The following ZNF18 variants were observed in gnomAD, a reference collection of about 807,000 sequenced individuals.
ZNF18 encodes the protein zinc finger protein 18, also known as heart development-specific gene 1 protein.
Under a neutral mutation model 58.1 loss-of-function variants are expected in ZNF18, and 42 were observed. That is an observed-to-expected ratio of 0.72 (90% confidence interval 0.56 to 0.93). The LOEUF (loss-of-function observed/expected upper bound fraction) is 0.93. Among genes scored for constraint, ZNF18 ranks in the 40% least tolerant of loss-of-function variants. ZNF18 has a pLI of 0.00. For synonymous variants in ZNF18, 231 were observed against 239.8 expected, an observed-to-expected ratio of 0.96 and a Z score of 0.34; for missense variants, 540 against 644.2, an observed-to-expected ratio of 0.84 and a Z score of 1.75.
At chr17:11,994,697 C>T (rs1281981781) in intron 1 of ZNF18, among the ~76,000 whole-genome samples, 1 of 152,048 alleles carries the variant, frequency 6.6e-6, no homozygotes, top group Non-Finnish European at 1.5e-5. Context: ...AAAAATTAGC[C>T]AGGCGTGGTG....
chr17:11,999,585 C>T (rs776163119), upstream of ZNF18, among the ~76,000 whole-genome samples: 1 of 152,220 alleles, frequency 6.6e-6, no homozygotes, highest in Admixed American at 6.5e-5. Flanking sequence ...TATTCACTTA[C>T]TCATTCAATA....
chr17:12,006,733 G>A, the ZNF18 span, among the ~76,000 whole-genome samples: 9 of 151,926 alleles, frequency 5.9e-5, no homozygotes, highest in African/African-American at 1.7e-4. Context: ...CCTAGGTGCC[G>A]AAGCTCAAAA....
chr17:12,014,596 T>C, the ZNF18 span, among the ~76,000 whole-genome samples: 3 of 152,166 alleles, frequency 2.0e-5, no homozygotes, highest in South Asian at 2.1e-4. Context: ...TTGGCAAATA[T>C]ATAGAGACAT....
chr17:11,991,269 A>G (rs1338887950), intron 2 of ZNF18, 106 bp from the exon 3 acceptor site: 10 of 1,077,656 alleles, frequency 9.3e-6, no homozygotes, highest in Non-Finnish European at 1.3e-5. Context: ...ATTTCTAAGG[A>G]TGTGGAGAAA....
At position 11,992,854 on chromosome 17, in the gene ZNF18, A is replaced by C. The variant is rs775132035; in HGVS notation, c.-25T>G. ...TTGTCCAGCCTGGCAAGTCCTTTTA[A>C]GTAAAGTGCTTCTGCAGTGGAATTG... On this transcript the variant is annotated 5_prime_UTR_variant, in exon 2 of 7. Transcript: ENST00000580306. 6.3e-7 allele frequency: 1 copy of C among 1,596,856 alleles called. No homozygotes were observed. Among genetic ancestry groups the C allele is most frequent in the South Asian group, 1.1e-5 (1 of 90,138 alleles).
At chr17:11,999,785 T>C (rs1968625231), upstream of ZNF18, among the ~76,000 whole-genome samples, 1 of 152,106 alleles carries the variant, frequency 6.6e-6, no homozygotes, top group Non-Finnish European at 1.5e-5. Context: ...AGAGGTACTG[T>C]TAGAGATGGA....
chr17:11,987,232 A>C (rs1261089249), intron 4 of ZNF18, among the ~76,000 whole-genome samples: 3 of 152,174 alleles, frequency 2.0e-5, no homozygotes, highest in Non-Finnish European at 4.4e-5. Flanking sequence ...GTCTGAAAAC[A>C]GGGGAAGGTG....
chr17:11,989,776 A>T (rs143982287), intron 4 of ZNF18, among the ~76,000 whole-genome samples: 1,542 of 152,166 alleles, frequency 0.01, 29 homozygotes, highest in African/African-American at 0.035. Flanking sequence ...CTTGAAGACA[A>T]ACAGAAATTG....
the ZNF18 span, among the ~76,000 whole-genome samples, chr17:12,010,509 G>T: frequency 6.6e-6 from 1 of 151,632 alleles, no homozygotes; most frequent in Non-Finnish European, 1.5e-5. Context: ...TCTGTCTCCC[G>T]GGTTCAAGAG....
the ZNF18 span, among the ~76,000 whole-genome samples, chr17:12,003,895 G>A: frequency 6.6e-6 from 1 of 152,200 alleles, no homozygotes; most frequent in Non-Finnish European, 1.5e-5. Context: ...TATAGAAGGT[G>A]CCATAAGGGA....
upstream of ZNF18, among the ~76,000 whole-genome samples, chr17:12,001,532 G>A (rs1328120890): frequency 6.6e-6 from 1 of 152,108 alleles, no homozygotes; most frequent in Non-Finnish European, 1.5e-5. Flanking sequence ...TAGAGGCTGA[G>A]GTAGGAGAAT....
chr17:12,003,418 T>G, the ZNF18 span, among the ~76,000 whole-genome samples: 256 of 140,856 alleles, frequency 1.8e-3, 3 homozygotes, highest in African/African-American at 6.4e-3. Context: ...CCAGCCCGGG[T>G]GACAGTGTGA....
At chr17:12,011,149 G>T in the ZNF18 span, 1 of 600,394 alleles carries the variant, frequency 1.7e-6, no homozygotes, top group Non-Finnish European at 3.0e-6. Context: ...ACGGCCAAAG[G>T]AACAACTCCA....
At chr17:11,990,123 C>T (rs892793360) in intron 4 of ZNF18, among the ~76,000 whole-genome samples, 3 of 151,830 alleles carry the variant, frequency 2.0e-5, no homozygotes, top group Non-Finnish European at 4.4e-5. Flanking sequence ...AACCATACAC[C>T]CACAGAGCTA....
chr17:12,001,776 CA>C (rs1306349439), upstream of ZNF18, among the ~76,000 whole-genome samples: 6 of 151,944 alleles, frequency 3.9e-5, no homozygotes, highest in Non-Finnish European at 7.4e-5. Context: ...ATACCTATGT[CA>C]AAACGTCACA....
the ZNF18 span, chr17:12,011,193 G>C: frequency 1.8e-6 from 1 of 553,222 alleles, no homozygotes; most frequent in Non-Finnish European, 3.3e-6. Context: ...CATATATCGG[G>C]TGCCTCTCCT....
chr17:12,018,454 G>A, the ZNF18 span, among the ~76,000 whole-genome samples: 1 of 152,162 alleles, frequency 6.6e-6, no homozygotes, highest in Non-Finnish European at 1.5e-5. Flanking sequence ...AGCTCTGTGT[G>A]TCTGCATCCT....
At chr17:12,000,091 T>C (rs1007513895), upstream of ZNF18, among the ~76,000 whole-genome samples, 1 of 152,142 alleles carries the variant, frequency 6.6e-6, no homozygotes, top group Non-Finnish European at 1.5e-5. Context: ...CAGCTACTTT[T>C]TGTATTTTTA....
chr17:11,997,507 A>G (rs1968554033), upstream of ZNF18: 1 of 152,190 alleles, frequency 6.6e-6, no homozygotes, highest in African/African-American at 2.4e-5. Flanking sequence ...CAGGCGAACG[A>G]CGTGCGGCAC....
Sources: allele counts gnomAD v4.1 joint callset (sites outside exome capture counted in the v4.1 genomes callset), GRCh38; gene constraint gnomAD v4.1.1; transcripts MANE v1.5; gene names NCBI Gene and HGNC (gene_info 2026-07-23, HGNC 2026-07-21).